KIF1B: variants seen among roughly 807,000 people sequenced by gnomAD.
The protein encoded by KIF1B is kinesin family member 1B, also known as kinesin-like protein KIF1B.
Under a neutral mutation model 241.9 loss-of-function variants are expected in KIF1B, and 76 were observed. The observed-to-expected ratio is 0.31, with a 90% CI of 0.26 to 0.38. The LOEUF (loss-of-function observed/expected upper bound fraction) is 0.38, where lower values mean the gene tolerates loss of function less well. Ranked by LOEUF, KIF1B falls within the 10% of genes least tolerant of loss-of-function variation. The pLI, the probability that KIF1B is intolerant of heterozygous loss-of-function variation, is 1.00. For missense variants in KIF1B, 1,622 were observed against 2,271.4 expected, an observed-to-expected ratio of 0.71 and a Z score of 5.81; for synonymous variants, 750 against 796.7, an observed-to-expected ratio of 0.94 and a Z score of 0.99.
At chr1:10,292,465 G>A (rs1569733422) in intron 17 of KIF1B, 1 of 300,504 alleles carries the variant, frequency 3.3e-6, no homozygotes, top group East Asian at 8.3e-5. Context: ...CTTTCATGTA[G>A]ATTTTCCCAC....
At chr1:10,271,788 T>A (rs1195125898) in intron 8 of KIF1B, among the ~76,000 whole-genome samples, 1 of 152,246 alleles carries the variant, frequency 6.6e-6, no homozygotes, top group Non-Finnish European at 1.5e-5. Context: ...AAAATTTTGC[T>A]GACTCCTGAT....
chr1:10,249,443 A>C (rs895815276), intron 2 of KIF1B, among the ~76,000 whole-genome samples: 1 of 152,152 alleles, frequency 6.6e-6, no homozygotes, highest in African/African-American at 2.4e-5. Context: ...AGAGTTGTAC[A>C]TGACACATGG....
At position 10,291,170 on chromosome 1, in the gene KIF1B, G is replaced by T. The variant is rs1649977820; in HGVS notation, c.1514+9G>T. 1 of 1,587,220 alleles carries T rather than the reference G, an allele frequency of 6.3e-7. No individual in the cohort carries two copies. The highest frequency in any genetic ancestry group is 8.6e-7 in the Non-Finnish European group (1 of 1,156,494). On this transcript the variant is annotated intron_variant, in intron 16 of 48. Transcript: ENST00000676179. ...GCCATCAGAATGGAGAGGTCAGGAG[G>T]TTAAAATCTGGAAATGTTTCTAAGT...
rs190977738 is a variant in KIF1B at position 10,366,719 on chromosome 1, T to C, written c.4752+1071T>C. 7.0e-3 allele frequency among the ~76,000 whole-genome samples: 1,071 copies of C among 152,294 alleles called. 12 individuals carry two copies. The highest frequency in any genetic ancestry group is 9.1e-3 in the Non-Finnish European group (619 of 68,008). ...GAGGGGCGGTGGCTCACGCCTGTAATCCCACCACTTTGAGAGGCCGAGGCA... is the reference window on the plus strand; with the variant it reads ...GAGGGGCGGTGGCTCACGCCTGTAACCCCACCACTTTGAGAGGCCGAGGCA... On this transcript the variant is annotated intron_variant, in intron 43 of 48. Coordinates refer to ENST00000676179, the MANE Select transcript of KIF1B (RefSeq NM_001365951.3).
intron 22 of KIF1B, among the ~76,000 whole-genome samples, chr1:10,315,082 A>G (rs1329526986): frequency 6.7e-6 from 1 of 149,624 alleles, no homozygotes; most frequent in Non-Finnish European, 1.5e-5. Context: ...CCATACTTAT[A>G]TATTTTTCCT....
chr1:10,283,973 ATT>A (rs1295942884), intron 15 of KIF1B, among the ~76,000 whole-genome samples: 3 of 152,248 alleles, frequency 2.0e-5, no homozygotes, highest in Non-Finnish European at 4.4e-5. Context: ...AGATGCTTTC[ATT>A]TTAATTTTCA....
chr1:10,281,900 A>G (rs573803119), intron 14 of KIF1B, among the ~76,000 whole-genome samples: 59 of 152,364 alleles, frequency 3.9e-4, no homozygotes, highest in Non-Finnish European at 7.2e-4. Context: ...ATAAATGATC[A>G]TTGTTTTCCC....
At chr1:10,336,540 A>G in intron 28 of KIF1B, 117 bp from the exon 29 acceptor site, 2 of 817,378 alleles carry the variant, frequency 2.4e-6, no homozygotes, top group East Asian at 4.8e-5. Context: ...CCGTGTTACT[A>G]CTTTGGTATC....
chr1:10,364,200 CTTTTT>C (rs779967463), intron 41 of KIF1B, among the ~76,000 whole-genome samples: 1 of 113,864 alleles, frequency 8.8e-6, no homozygotes, highest in Non-Finnish European at 1.8e-5. Flanking sequence ...GGGACAGGAT[CTTTTT>C]TTTTTTTTTT....
rs760368705 is a variant in KIF1B at position 10,232,413 on chromosome 1, C to G, written c.85C>G (p.Gln29Glu). The change falls in exon 2 of 49, where the codon CAG (glutamine) becomes GAG (glutamate). Residue 29 changes from glutamine (Q) to glutamate (E), a missense_variant. Gln to Glu is a conservative substitution (Grantham distance 29, BLOSUM62 2). Around this residue, in one of 7 missense-constraint regions of KIF1B, gnomAD observed 156 missense variants for 244.8 expected, o/e 0.64. Coordinates refer to ENST00000676179, the MANE Select transcript of KIF1B (RefSeq NM_001365951.3). ...CAGCAAGGAATCCAAATGCATCATT[C>G]AGATGCAAGGCAACTCGACCAGTGA... is the stretch of plus-strand genomic sequence containing the variant. ...ETSKESKCII[Q>E]MQGNSTSIIN... 224 of 1,611,966 alleles carry G rather than the reference C, an allele frequency of 1.4e-4. No individual in the cohort carries two copies. The highest frequency in any genetic ancestry group is 1.4e-4 in the Non-Finnish European group (169 of 1,178,172).
intron 38 of KIF1B, 39 bp downstream of exon 38, chr1:10,352,775 C>A: frequency 1.4e-6 from 2 of 1,449,882 alleles, no homozygotes; most frequent in Non-Finnish European, 1.9e-6. Flanking sequence ...TCCACACTTG[C>A]AGGCGTTAAT....
chr1:10,242,862 A>G (rs1647157275), intron 2 of KIF1B, among the ~76,000 whole-genome samples: 1 of 152,118 alleles, frequency 6.6e-6, no homozygotes, highest in African/African-American at 2.4e-5. Flanking sequence ...ACCTTCATGT[A>G]TGCAGCCCGC....
intron 1 of KIF1B, among the ~76,000 whole-genome samples, chr1:10,223,805 A>G (rs918742901): frequency 1.3e-5 from 2 of 152,112 alleles, no homozygotes; most frequent in African/African-American, 2.4e-5. Flanking sequence ...CGGCCTCCCA[A>G]AGTGCTGGGA....
At chr1:10,297,293 TC>T (rs756449661) in intron 22 of KIF1B, 47 bp downstream of exon 22, 3 of 1,514,804 alleles carry the variant, frequency 2.0e-6, no homozygotes, top group South Asian at 2.2e-5. Flanking sequence ...GGCAGCTTGT[TC>T]CCATACTTTC....
chr1:10,344,285 G>A (rs1030039014), intron 34 of KIF1B, among the ~76,000 whole-genome samples: 7 of 152,174 alleles, frequency 4.6e-5, no homozygotes, highest in Non-Finnish European at 8.8e-5. Flanking sequence ...GTACCCAAAC[G>A]AGATGGTTAG....
Position 10,326,510 on chromosome 1 carries a change from GT to G in KIF1B, c.2924+152del. ...CTCCAATACTTCAAGCTCTTAGTCAGTGCTGGTCTGGCTGAGATGGTTCTCA... is the reference window on the plus strand; with the variant it reads ...CTCCAATACTTCAAGCTCTTAGTCAGGCTGGTCTGGCTGAGATGGTTCTCA... On this transcript the variant is annotated intron_variant, in intron 27 of 48. Transcript: ENST00000676179. The surrounding 1 kb of genome is among the most constrained non-coding windows in gnomAD (Gnocchi z 5.2). 1.9e-6 allele frequency: 2 copies of G among 1,058,912 alleles called. No individual in the cohort carries two copies. The highest frequency in any genetic ancestry group is 4.8e-5 in the East Asian group (2 of 41,366). 65.6% of individuals were successfully genotyped at this position (1,058,912 alleles called of 1,614,324 possible).
chr1:10,232,491 T>C (rs1646996051), intron 2 of KIF1B, 57 bp downstream of exon 2: 3 of 1,274,456 alleles, frequency 2.4e-6, no homozygotes, highest in African/African-American at 1.5e-5. Flanking sequence ...CTTCTTTCCC[T>C]GTCGTCTTGC....
chr1:10,324,108 C>A, intron 25 of KIF1B, 46 bp downstream of exon 25: 1 of 1,567,106 alleles, frequency 6.4e-7, no homozygotes, highest in Non-Finnish European at 8.8e-7. Flanking sequence ...TAGGAAATAA[C>A]AATGACCTGC....
intron 5 of KIF1B, among the ~76,000 whole-genome samples, chr1:10,262,199 G>A (rs1648190423): frequency 6.6e-6 from 1 of 152,108 alleles, no homozygotes; most frequent in African/African-American, 2.4e-5. Flanking sequence ...CCAGGCCCTG[G>A]AGTGCAGTGG....
Sources: allele counts gnomAD v4.1 joint callset (sites outside exome capture counted in the v4.1 genomes callset), GRCh38; gene constraint gnomAD v4.1.1; regional missense constraint gnomAD v4.1.1; non-coding constraint Gnocchi (gnomAD v3.1); transcripts MANE v1.5; gene names NCBI Gene and HGNC (gene_info 2026-07-23, HGNC 2026-07-21).